GPR4: variants seen among roughly 807,000 people sequenced by gnomAD.
GPR4 encodes G-prodeshotein coupled receptor 4.
Under a neutral mutation model 17.8 loss-of-function variants are expected in GPR4, and 11 were observed. The observed-to-expected ratio is 0.62, with a 90% CI of 0.39 to 1.02. The LOEUF is 1.02. Among genes scored for constraint, GPR4 ranks in the 50% least tolerant of loss-of-function variants. The pLI, the probability that GPR4 is intolerant of heterozygous loss-of-function variation, is 0.00. For synonymous variants in GPR4, 219 were observed against 222.8 expected (o/e 0.98, Z 0.15); for missense variants, 364 against 495.4 (o/e 0.73, Z 2.52).
Position 45,590,820 on chromosome 19 carries a change from CT to C in GPR4, c.1046del (p.Gln349ArgfsTer7). ...GCATCTTCAGCTGCACCTGGTCCCC[CT>C]GGGAGGGCGGAGTGGCCGCCCAGCT... ...TGSWAATPPS[Q>X]GDQVQLKMLP... On this transcript the variant is annotated frameshift_variant, in exon 2 of 2. Transcript: ENST00000323040. LOFTEE classifies it high-confidence loss of function. 1 of 1,603,778 alleles carries C rather than the reference CT, an allele frequency of 6.2e-7. No homozygotes were observed. The highest frequency in any genetic ancestry group is 8.5e-7 in the Non-Finnish European group (1 of 1,174,118).
chr19:45,591,446 C>T lies in GPR4; in HGVS notation c.421G>A (p.Val141Ile), dbSNP rs760848155. Reference protein sequence around the residue: ...VKTAVAVSSVVWATELGANSA... With the variant: ...VKTAVAVSSVIWATELGANSA... ...TTGGCGCCCAGCTCCGTGGCCCAGA[C>T]CACGGAGCTCACGGCCACGGCGGTC... is the stretch of plus-strand genomic sequence containing the variant. The change falls in exon 2 of 2, where the codon GTC becomes ATC. Residue 141 changes from valine (V) to isoleucine (I), a missense_variant. Physicochemically the swap from Val to Ile is conservative, Grantham distance 29. Transcript: ENST00000323040. This position sits in a 1 kb window ranked among gnomAD's most constrained non-coding sequence, Gnocchi z 7.6. 1.9e-6 allele frequency: 3 copies of T among 1,606,922 alleles called. No individual in the cohort carries two copies. Among genetic ancestry groups the T allele is most frequent in the South Asian group, 2.2e-5 (2 of 90,798 alleles).
intron 1 of GPR4, among the ~76,000 whole-genome samples, chr19:45,596,387 T>C (rs1437661310): frequency 1.3e-5 from 2 of 152,006 alleles, no homozygotes; most frequent in Non-Finnish European, 1.5e-5. Flanking sequence ...GTATTTTTAG[T>C]AGAGACAGGG....
In GPR4 at chr19:45,599,120, G is replaced by A. The variant is rs549846444; in HGVS notation, c.-832+2975C>T. On this transcript the variant is annotated intron_variant, in intron 1 of 1. Coordinates refer to ENST00000323040, the MANE Select transcript of GPR4 (RefSeq NM_005282.3). The stretch of plus-strand genomic sequence containing the variant: ...ACAGGCCCCCACTTCTTGGGTCCCT[G>A]CTGGCCCCTTCCAGAGAGTCGGGGG... Among the ~76,000 whole-genome samples, 4 of 152,140 alleles carry A rather than the reference G, an allele frequency of 2.6e-5. No individual in the cohort carries two copies. In the East Asian group the frequency reaches 7.7e-4, roughly 29 times the overall value.
rs1433690220 is a variant in GPR4 at position 45,591,417 on chromosome 19, C to T, written c.450G>A (p.Ser150=). The part of the protein sequence containing the change: ...VVWATELGAN[S]APLFHDELFR... Reference sequence around the variant, plus strand: ...AGAGCTCGTCATGGAACAGGGGCGCCGAGTTGGCGCCCAGCTCCGTGGCCC... The same window carrying T: ...AGAGCTCGTCATGGAACAGGGGCGCTGAGTTGGCGCCCAGCTCCGTGGCCC... Residue 150 remains serine (S), a synonymous_variant, in exon 2 of 2, where the codon TCG becomes TCA. Coordinates refer to ENST00000323040, the MANE Select transcript of GPR4 (RefSeq NM_005282.3). This position sits in a 1 kb window ranked among gnomAD's most constrained non-coding sequence, Gnocchi z 7.6. The T allele has an allele frequency of 6.2e-7, 1 of 1,606,894 alleles. No individual in the cohort carries two copies. Among genetic ancestry groups the T allele is most frequent in the East Asian group, 2.2e-5 (1 of 44,780 alleles).
At chr19:45,592,758 A>T (rs1970011575) in intron 1 of GPR4, 61 bp from the exon 2 acceptor site, 1 of 164,892 alleles carries the variant, frequency 6.1e-6, no homozygotes, top group South Asian at 2.1e-4. Context: ...TTCTCCCCAC[A>T]CTCCTCACCA....
At chr19:45,601,926 T>TGGAGACAGACGC (rs1231234202) in intron 1 of GPR4, among the ~76,000 whole-genome samples, 169 bp downstream of exon 1, 18 of 150,496 alleles carry the variant, frequency 1.2e-4, no homozygotes, top group African/African-American at 4.2e-4. Flanking sequence ...AGGCGGGAGT[T>TGGAGACAGACGC]GGAGACAGAC....
At chr19:45,594,063 A>AATATATATATATATAT (rs1186316579) in intron 1 of GPR4, among the ~76,000 whole-genome samples, 1 of 36,244 alleles carries the variant, frequency 2.8e-5, no homozygotes. Context: ...AAAAAAAAAA[A>AATATATATATATATAT]ATATATATAT....
In GPR4 at chr19:45,598,028, C is replaced by T. The variant is rs571245683; in HGVS notation, c.-832+4067G>A. ...CCAGTCCCTCCCTTCCACTTGAAAC[C>T]TCCCACCCAGACCAAGTCACTCAAA... On this transcript the variant is annotated intron_variant, in intron 1 of 1. Transcript: ENST00000323040. Among the ~76,000 whole-genome samples the T allele has an allele frequency of 2.0e-5, 3 of 152,180 alleles. No homozygotes were observed. The East Asian group carries it at 5.8e-4, about 29-fold the overall frequency.
chr19:45,598,739 G>A (rs987136271), intron 1 of GPR4, among the ~76,000 whole-genome samples: 1 of 152,166 alleles, frequency 6.6e-6, no homozygotes, highest in Non-Finnish European at 1.5e-5. Flanking sequence ...TGGGGAAACC[G>A]AGGCCCGCAG....
At chr19:45,594,061 A>AAAAAAAAAATATAT (rs1970028369) in intron 1 of GPR4, among the ~76,000 whole-genome samples, 1 of 40,128 alleles carries the variant, frequency 2.5e-5, no homozygotes, top group African/African-American at 1.8e-4. Context: ...AAAAAAAAAA[A>AAAAAAAAAATATAT]AAATATATAT....
In GPR4 at chr19:45,591,137, A is replaced by G. The variant is rs1225254875; in HGVS notation, c.730T>C (p.Leu244=). 1 of 1,613,592 alleles carries G rather than the reference A, an allele frequency of 6.2e-7. No individual in the cohort carries two copies. Among genetic ancestry groups the G allele is most frequent in the East Asian group, 2.2e-5 (1 of 44,886 alleles). Reference sequence around the variant, plus strand: ...AGGTAGATGGCGCTGCGGGACAGCAAGAGCACGTGATAGGGCGCAAAGCAG... The same window carrying G: ...AGGTAGATGGCGCTGCGGGACAGCAGGAGCACGTGATAGGGCGCAAAGCAG... The part of the protein sequence containing the change: ...LVCFAPYHVL[L]LSRSAIYLGR... Residue 244 remains leucine (L), a synonymous_variant, in exon 2 of 2, where the codon TTG becomes CTG. Coordinates refer to ENST00000323040, the MANE Select transcript of GPR4 (RefSeq NM_005282.3). This position sits in a 1 kb window ranked among gnomAD's most constrained non-coding sequence, Gnocchi z 7.6.
intron 1 of GPR4, among the ~76,000 whole-genome samples, chr19:45,593,841 CAGAT>C (rs1368750473): frequency 6.6e-6 from 1 of 151,758 alleles, no homozygotes; most frequent in Non-Finnish European, 1.5e-5. Context: ...TACTACATAG[CAGAT>C]CCCATTCCAG....
chr19:45,599,048 TA>T (rs1970086156), intron 1 of GPR4, among the ~76,000 whole-genome samples: 1 of 151,964 alleles, frequency 6.6e-6, no homozygotes. Flanking sequence ...GTTGAGGGGG[TA>T]AACCCCCAAA....
chr19:45,590,887 A>G lies in GPR4; in HGVS notation c.980T>C (p.Leu327Pro), dbSNP rs1406806571. The G allele has an allele frequency of 6.2e-7, 1 of 1,613,882 alleles. No homozygotes were observed. The highest frequency in any genetic ancestry group is 1.3e-5 in the African/African-American group (1 of 74,884). Residue 327 changes from leucine to proline, a missense_variant, in exon 2 of 2, where the codon CTC (leucine) becomes CCC (proline). Leu to Pro is a moderately conservative substitution (Grantham distance 98). Coordinates refer to ENST00000323040, the MANE Select transcript of GPR4 (RefSeq NM_005282.3). Reference protein sequence around the residue: ...ANASLTLETPLTSKRNSTAKA... With the variant: ...ANASLTLETPPTSKRNSTAKA... The stretch of plus-strand genomic sequence containing the variant: ...GGCTGTGCTGTTCCTCTTGGAGGTG[A>G]GTGGGGTCTCCAGGGTGAGCGAGGC...
rs761947055 is a variant in GPR4 at position 45,591,516 on chromosome 19, C to T, written c.351G>A (p.Leu117=). 1.3e-5 allele frequency: 20 copies of T among 1,588,060 alleles called. No homozygotes were observed. The highest frequency in any genetic ancestry group is 3.3e-4 in the Middle Eastern group (2 of 6,024). The change falls in exon 2 of 2, where the codon CTG becomes CTA. Residue 117 remains leucine (L), a synonymous_variant. Coordinates refer to ENST00000323040, the MANE Select transcript of GPR4 (RefSeq NM_005282.3). This position sits in a 1 kb window ranked among gnomAD's most constrained non-coding sequence, Gnocchi z 7.6. ...CGAAGCGGAGTGGGTGGGCCACAGC[C>T]AGGTAGCGGTCCACCGAGATGCAGC... ...FLCCISVDRY[L]AVAHPLRFAR...
intron 1 of GPR4, among the ~76,000 whole-genome samples, chr19:45,596,215 T>TG (rs1195107170): frequency 6.6e-6 from 1 of 151,062 alleles, no homozygotes; most frequent in Non-Finnish European, 1.5e-5. Context: ...TTTTTTTTTT[T>TG]TTTTTGAGAT....
In GPR4 at chr19:45,590,158, G is replaced by A. The variant is rs573087000; in HGVS notation, c.*620C>T. The A allele has an allele frequency of 6.6e-6, 1 of 151,646 alleles. No individual in the cohort carries two copies. The highest frequency in any genetic ancestry group is 1.5e-5 in the Non-Finnish European group (1 of 67,940). 9.4% of individuals were successfully genotyped at this position (151,646 alleles called of 1,614,324 possible). ...TGCATTTCTCCTTCCACTTTCCCCCGAGTCACAGACTTTTATCCACTTGTT... is the reference window on the plus strand; with the variant it reads ...TGCATTTCTCCTTCCACTTTCCCCCAAGTCACAGACTTTTATCCACTTGTT... On this transcript the variant is annotated 3_prime_UTR_variant, in exon 2 of 2. Transcript: ENST00000323040.
chr19:45,590,688 C>A lies in GPR4; in HGVS notation c.*90G>T, dbSNP rs1969979972. On this transcript the variant is annotated 3_prime_UTR_variant, in exon 2 of 2. Transcript: ENST00000323040. ...TATTCTTATGAATATTAACACAGCC[C>A]TTTTTCCATACAATTTGCATACACC... 4 of 1,456,690 alleles carry A rather than the reference C, an allele frequency of 2.7e-6. No homozygotes were observed. In the African/African-American group the frequency reaches 5.7e-5, roughly 21 times the overall value. The allele number at this position is 1,456,690 out of a possible 1,614,324, so 90.2% of individuals were successfully genotyped here.
intron 1 of GPR4, among the ~76,000 whole-genome samples, chr19:45,594,847 G>T (rs1194498348): frequency 6.9e-6 from 1 of 144,812 alleles, no homozygotes; most frequent in African/African-American, 2.6e-5. Flanking sequence ...GCTGGGCGTG[G>T]TGGCACATAC....
Sources: allele counts gnomAD v4.1 joint callset (sites outside exome capture counted in the v4.1 genomes callset), GRCh38; gene constraint gnomAD v4.1.1; non-coding constraint Gnocchi (gnomAD v3.1); transcripts MANE v1.5; gene names NCBI Gene and HGNC (gene_info 2026-07-23, HGNC 2026-07-21).